AASS: variants seen among roughly 807,000 people sequenced by gnomAD.
The protein encoded by AASS is aminoadipate-semialdehyde synthase, also known as alpha-aminoadipic semialdehyde synthase, mitochondrial.
A neutral mutation model predicts 105.4 loss-of-function variants in AASS; 86 were observed. That is an observed-to-expected ratio of 0.82 (90% CI 0.69 to 0.98). The LOEUF is 0.98. Among genes scored for constraint, AASS ranks in the 50% least tolerant of loss-of-function variants. AASS has a pLI of 0.00. For synonymous variants in AASS, 381 were observed against 394.8 expected (o/e 0.96, Z 0.41); for missense variants, 1,048 against 1,143.2 (o/e 0.92, Z 1.20).
chr7:122,119,843 G>A (rs973296774), intron 4 of AASS, among the ~76,000 whole-genome samples: 1 of 152,044 alleles, frequency 6.6e-6, no homozygotes, highest in African/African-American at 2.4e-5. Flanking sequence ...GTATATGCAG[G>A]GGGTTCGTTC....
At chr7:122,131,690 C>A (rs1202342633) in intron 2 of AASS, among the ~76,000 whole-genome samples, 2 of 151,938 alleles carry the variant, frequency 1.3e-5, no homozygotes, top group African/African-American at 2.4e-5. Flanking sequence ...CTAAGAGCAA[C>A]AGTATCTCAG....
chr7:122,143,100 G>C (rs1796476604), intron 1 of AASS, among the ~76,000 whole-genome samples: 1 of 152,114 alleles, frequency 6.6e-6, no homozygotes, highest in Admixed American at 6.5e-5. Context: ...AGAGGGGAGT[G>C]CAGGGGACAA....
rs1792980715 is a variant in AASS, at chr7:122,075,938, T to A, written c.*551A>T. 6.6e-6 allele frequency: 1 copy of A among 152,508 alleles called. No individual in the cohort carries two copies. The highest frequency in any genetic ancestry group is 1.5e-5 in the Non-Finnish European group (1 of 68,302). 9.4% of individuals were successfully genotyped at this position (152,508 alleles called of 1,614,324 possible). ...AAAAAAGTAAAACTTCATTTGCTGG[T>A]TATAAGACAATATGTTCATTTAAGA... On this transcript the variant is annotated 3_prime_UTR_variant, in exon 24 of 24. Transcript: ENST00000417368.
chr7:122,114,826 G>A (rs572457150), intron 9 of AASS, among the ~76,000 whole-genome samples: 2 of 152,136 alleles, frequency 1.3e-5, no homozygotes, highest in South Asian at 4.2e-4. Context: ...AGGTCTGCTT[G>A]GGGTCCAGAG....
chr7:122,127,909 C>T (rs1040340660), intron 3 of AASS, among the ~76,000 whole-genome samples: 3 of 152,148 alleles, frequency 2.0e-5, no homozygotes, highest in African/African-American at 7.2e-5. Flanking sequence ...CAACAGCCCT[C>T]TTAGATTATC....
At chr7:122,137,111 A>C (rs1278960000) in intron 1 of AASS, among the ~76,000 whole-genome samples, 2 of 152,256 alleles carry the variant, frequency 1.3e-5, no homozygotes, top group African/African-American at 4.8e-5. Context: ...TTATTTAAAC[A>C]AATGTAACAG....
chr7:122,081,497 C>T lies in AASS; in HGVS notation c.2280+3G>A. On this transcript the variant is annotated splice_donor_region_variant and intron_variant, in intron 20 of 23. Coordinates refer to ENST00000417368, the MANE Select transcript of AASS (RefSeq NM_005763.4). ...AGATAGAACGTAATTCGGAGTCACT[C>T]ACCCAGGTGAGAGGGTTGGCCTCAG... is the stretch of plus-strand genomic sequence containing the variant. 2.5e-6 allele frequency: 4 copies of T among 1,611,250 alleles called. No homozygotes were observed. The highest frequency in any genetic ancestry group is 3.4e-6 in the Non-Finnish European group (4 of 1,177,358).
chr7:122,079,344 A>G, intron 21 of AASS: 1 of 1,370,710 alleles, frequency 7.3e-7, no homozygotes, highest in Non-Finnish European at 9.4e-7. Context: ...GAAAGCAAAA[A>G]TACCCCACTA....
At chr7:122,077,580 A>G (rs778824462) in intron 23 of AASS, among the ~76,000 whole-genome samples, 1 of 152,194 alleles carries the variant, frequency 6.6e-6, no homozygotes, top group Non-Finnish European at 1.5e-5. Context: ...CTCTTGCTCA[A>G]AGGTGCTGAG....
chr7:122,124,857 G>A (rs1367808513), intron 4 of AASS, among the ~76,000 whole-genome samples: 1 of 152,142 alleles, frequency 6.6e-6, no homozygotes, highest in Non-Finnish European at 1.5e-5. Flanking sequence ...TTTTCTGTTA[G>A]TTTAATAGAG....
intron 4 of AASS, among the ~76,000 whole-genome samples, chr7:122,119,725 A>G (rs983330674): frequency 6.6e-6 from 1 of 152,208 alleles, no homozygotes; most frequent in African/African-American, 2.4e-5. Flanking sequence ...ATCAAGATAC[A>G]GAGTATTTCA....
intron 19 of AASS, 78 bp from the exon 20 acceptor site, chr7:122,081,673 G>T (rs2150508736): frequency 3.1e-6 from 3 of 971,184 alleles, no homozygotes; most frequent in East Asian, 5.1e-5. Flanking sequence ...TGAAAAGAGG[G>T]ATATATCTTT....
chr7:122,129,803 A>G (rs1795828764), intron 2 of AASS, among the ~76,000 whole-genome samples: 1 of 152,214 alleles, frequency 6.6e-6, no homozygotes, highest in South Asian at 2.1e-4. Context: ...TAATTTGGTC[A>G]TATGCACTAG....
intron 13 of AASS, among the ~76,000 whole-genome samples, chr7:122,100,348 G>C (rs1338091216): frequency 6.6e-6 from 1 of 151,856 alleles, no homozygotes; most frequent in East Asian, 1.9e-4. Context: ...AAAACAAACA[G>C]ATGTGAAGTT....
rs565971693 is a variant in AASS at position 122,129,264 on chromosome 7, C to T, written c.387+97G>A. 1.7e-5 allele frequency: 13 copies of T among 773,566 alleles called. No individual in the cohort carries two copies. In the South Asian group the frequency reaches 3.9e-4, roughly 23 times the overall value. 47.9% of individuals were successfully genotyped at this position (773,566 alleles called of 1,614,324 possible). On this transcript the variant is annotated intron_variant, in intron 3 of 23. Coordinates refer to ENST00000417368, the MANE Select transcript of AASS (RefSeq NM_005763.4). ...AAAGGAATGCAATGTTTCTCTTAAA[C>T]TAAAGAAGAAAAGAAGACTAAAACT...
intron 4 of AASS, 84 bp from the exon 5 acceptor site, chr7:122,118,714 G>T: frequency 7.6e-7 from 1 of 1,322,324 alleles, no homozygotes; most frequent in South Asian, 1.2e-5. Flanking sequence ...AATCTGCATG[G>T]TGCCCTGCAG....
chr7:122,107,929 C>A (rs1794742204), intron 11 of AASS, among the ~76,000 whole-genome samples: 1 of 122,850 alleles, frequency 8.1e-6, no homozygotes, highest in Non-Finnish European at 1.6e-5. Context: ...AACATTATTG[C>A]ATAACAAATC....
At chr7:122,105,582 G>T (rs1326468532) in intron 11 of AASS, among the ~76,000 whole-genome samples, 1 of 151,904 alleles carries the variant, frequency 6.6e-6, no homozygotes, top group Non-Finnish European at 1.5e-5. Flanking sequence ...AGAAACTTTG[G>T]AAACTACAAA....
chr7:122,114,916 A>G (rs944275874), intron 9 of AASS, among the ~76,000 whole-genome samples, 158 bp downstream of exon 9: 3 of 152,074 alleles, frequency 2.0e-5, no homozygotes, highest in African/African-American at 7.2e-5. Flanking sequence ...AAAAAAAAGG[A>G]GAGATGGTTA....
Sources: gnomAD v4.1 joint callset for allele counts (sites outside exome capture counted in the v4.1 genomes callset) on GRCh38, gnomAD v4.1.1 for gene constraint, MANE v1.5 for transcripts, NCBI Gene and HGNC (gene_info 2026-07-23, HGNC 2026-07-21) for gene names.